C6: variants seen among roughly 807,000 people sequenced by gnomAD.
C6 encodes complement component C6.
Under a neutral mutation model 112.9 loss-of-function variants are expected in C6, and 101 were observed. The observed-to-expected ratio is 0.89, with a 90% CI of 0.76 to 1.06. C6 has a LOEUF of 1.06. C6 is among the 50% of genes least tolerant of loss of function. The pLI is 0.00. For synonymous variants in C6, 431 were observed against 384.1 expected (o/e 1.12, Z -1.43); for missense variants, 1,202 against 1,104.6 (o/e 1.09, Z -1.25).
chr5:41,148,729 G>C (rs1354323571), intron 17 of C6, among the ~76,000 whole-genome samples: 1 of 152,226 alleles, frequency 6.6e-6, no homozygotes, highest in African/African-American at 2.4e-5. Flanking sequence ...GTTCATGTGG[G>C]ATGCTGTCTG....
chr5:41,232,530 C>T (rs1201486645), intron 1 of C6, among the ~76,000 whole-genome samples: 2 of 152,020 alleles, frequency 1.3e-5, no homozygotes, highest in African/African-American at 4.8e-5. Context: ...CTTGTTAGTA[C>T]TAATAAGTAT....
intron 1 of C6, among the ~76,000 whole-genome samples, chr5:41,206,449 A>T (rs1253559131): frequency 6.6e-6 from 1 of 152,206 alleles, no homozygotes; most frequent in Non-Finnish European, 1.5e-5. Context: ...GGATGTTTGA[A>T]CCCATTGCAA....
In C6 at chr5:41,260,445, TA is replaced by T. The variant is rs113781917; in HGVS notation, c.-21+748del. ...GAATTGTTCAGTAAAAACAAACAAA[TA>T]AACCCCCCCCCAAAACAAACAAACA... On this transcript the variant is annotated intron_variant, in intron 1 of 17. Transcript: ENST00000263413. 2.5e-3 allele frequency among the ~76,000 whole-genome samples: 303 copies of T among 119,034 alleles called. 6 individuals are homozygous for T. Among genetic ancestry groups the T allele is most frequent in the Middle Eastern group, 4.1e-3 (1 of 244 alleles). The allele number at this position is 119,034 out of a possible 152,430, so 78.1% of individuals were successfully genotyped here.
At chr5:41,159,039 G>A (rs772972967) in intron 12 of C6, 43 bp downstream of exon 12, 3 of 1,604,072 alleles carry the variant, frequency 1.9e-6, no homozygotes, top group Non-Finnish European at 2.6e-6. Context: ...GTTATTGAGA[G>A]TTAGGGCAAA....
chr5:41,143,427 T>A (rs1745530552), intron 17 of C6, among the ~76,000 whole-genome samples: 2 of 152,238 alleles, frequency 1.3e-5, no homozygotes, highest in Admixed American at 1.3e-4. Flanking sequence ...ATTTCTCCAA[T>A]GTCTTCAGCC....
intron 5 of C6, among the ~76,000 whole-genome samples, chr5:41,193,673 C>G (rs1034026727): frequency 1.3e-5 from 2 of 151,998 alleles, no homozygotes; most frequent in Non-Finnish European, 2.9e-5. Context: ...CTATTATTGC[C>G]TGATTCTTGC....
At chr5:41,244,560 T>G (rs1221987060) in intron 1 of C6, among the ~76,000 whole-genome samples, 1 of 152,214 alleles carries the variant, frequency 6.6e-6, no homozygotes. Flanking sequence ...CTTCAATAAC[T>G]ACCTGCACAG....
At chr5:41,179,683 T>TTA (rs1749160205) in intron 7 of C6, among the ~76,000 whole-genome samples, 1 of 148,184 alleles carries the variant, frequency 6.7e-6, no homozygotes, top group Admixed American at 6.8e-5. Context: ...ATATGTTATA[T>TTA]TATATATATA....
chr5:41,256,269 A>G (rs1741692990), intron 1 of C6, among the ~76,000 whole-genome samples: 2 of 151,980 alleles, frequency 1.3e-5, no homozygotes, highest in Admixed American at 6.6e-5. Flanking sequence ...GTGTCTTTAT[A>G]GCAGCATGAT....
chr5:41,160,547 A>T (rs1747390633), intron 10 of C6, among the ~76,000 whole-genome samples, 180 bp from the exon 11 acceptor site: 1 of 152,316 alleles, frequency 6.6e-6, no homozygotes, highest in East Asian at 1.9e-4. Context: ...ACCTGTGGAC[A>T]GGTGTGATGT....
intron 1 of C6, among the ~76,000 whole-genome samples, chr5:41,259,734 G>A (rs1741927991): frequency 6.6e-6 from 1 of 152,130 alleles, no homozygotes; most frequent in African/African-American, 2.4e-5. Context: ...TTATTGGCCT[G>A]AGGCTGCACT....
At chr5:41,149,584 G>T in intron 16 of C6, 102 bp from the exon 17 acceptor site, 2 of 1,493,418 alleles carry the variant, frequency 1.3e-6, no homozygotes, top group Non-Finnish European at 1.8e-6. Context: ...GTTTTCTTTT[G>T]CCTGTTTTCC....
intron 5 of C6, among the ~76,000 whole-genome samples, chr5:41,187,480 C>A (rs1476563446): frequency 2.0e-5 from 3 of 152,182 alleles, no homozygotes; most frequent in Non-Finnish European, 2.9e-5. Context: ...GAGGCTTTTG[C>A]GATCTATTAG....
At chr5:41,207,806 T>G (rs182146609) in intron 1 of C6, among the ~76,000 whole-genome samples, 15 of 152,236 alleles carry the variant, frequency 9.9e-5, no homozygotes, top group Admixed American at 9.8e-4. Flanking sequence ...ACTGTCAACA[T>G]GAGACAGATC....
chr5:41,167,050 TTA>T (rs1383398081), intron 9 of C6, among the ~76,000 whole-genome samples: 10 of 152,106 alleles, frequency 6.6e-5, no homozygotes, highest in Non-Finnish European at 4.4e-5. Context: ...ATTAATTTTT[TTA>T]TGTGTTTTTA....
Position 41,153,844 on chromosome 5 carries a change from T to A in C6, c.2256A>T (p.Thr752=), listed in dbSNP as rs1390475079. The A allele has an allele frequency of 6.2e-7, 1 of 1,613,362 alleles. No individual in the cohort carries two copies. Among genetic ancestry groups the A allele is most frequent in the Admixed American group, 1.7e-5 (1 of 59,970 alleles). ...AGGTGAGAGAGTTTGAAATGGGTGG[T>A]GTCCAGGAATTCCCCTGGCATGTGT... is the stretch of plus-strand genomic sequence containing the variant. ...SRYTCQGNSW[T]PPISNSLTCE... Residue 752 remains threonine (T), a synonymous_variant, in exon 15 of 18, where the codon ACA becomes ACT. Coordinates refer to ENST00000337836, the MANE Select transcript of C6 (RefSeq NM_000065.5).
Position 41,158,737 on chromosome 5 carries a change from A to G in C6, c.1905T>C (p.Leu635=). The G allele has an allele frequency of 6.2e-7, 1 of 1,610,918 alleles. No homozygotes were observed. Among genetic ancestry groups the G allele is most frequent in the South Asian group, 1.1e-5 (1 of 91,032 alleles). The change falls in exon 13 of 18, where the codon CTT becomes CTC. Residue 635 remains leucine (L), a synonymous_variant. Coordinates refer to ENST00000337836, the MANE Select transcript of C6 (RefSeq NM_000065.5). ...ACCCGGAATCTGCTTCTATCTCAGGAAGATCGACCTCTTTCATTTCTTCGT... is the reference window on the plus strand; with the variant it reads ...ACCCGGAATCTGCTTCTATCTCAGGGAGATCGACCTCTTTCATTTCTTCGT... ...NDDEEMKEVD[L]PEIEADSGCP...
At position 41,201,622 on chromosome 5, in the gene C6, G is replaced by A; in HGVS notation, c.236C>T (p.Pro79Leu). ...AAAATCTCCCAGGAGGCAGTTGATG[G>A]GGCATCTTTGCCAGTTACATTCTCT... ...ETRECNWQRCPINCLLGDFGP... is the reference protein window; with the variant it reads ...ETRECNWQRCLINCLLGDFGP... Residue 79 changes from proline to leucine, a missense_variant, in exon 3 of 18, where the codon CCC (proline) becomes CTC (leucine). Pro to Leu is a moderately conservative substitution (Grantham distance 98). Coordinates refer to ENST00000337836, the MANE Select transcript of C6 (RefSeq NM_000065.5). The A allele has an allele frequency of 1.9e-6, 3 of 1,613,574 alleles. No individual in the cohort carries two copies. Among genetic ancestry groups the A allele is most frequent in the Non-Finnish European group, 2.5e-6 (3 of 1,179,860 alleles).
chr5:41,207,580 A>C lies in C6; in HGVS notation c.-20-4330T>G, dbSNP rs527917488. On this transcript the variant is annotated intron_variant, in intron 1 of 17. Coordinates refer to ENST00000337836, the MANE Select transcript of C6 (RefSeq NM_000065.5). ...AAAAAAAGGCAGGTGTTGCGATCCT[A>C]GTCTCTGATAAAACAGACTTTAAAC... is the stretch of plus-strand genomic sequence containing the variant. Among the ~76,000 whole-genome samples, 100 of 152,344 alleles carry C rather than the reference A, an allele frequency of 6.6e-4. 2 individuals are homozygous for C. The highest frequency in any genetic ancestry group is 1.5e-3 in the East Asian group (8 of 5,186).
Sources: allele counts gnomAD v4.1 joint callset (sites outside exome capture counted in the v4.1 genomes callset), GRCh38; gene constraint gnomAD v4.1.1; transcripts MANE v1.5; gene names NCBI Gene and HGNC (gene_info 2026-07-23, HGNC 2026-07-21).